Variants in ERBB4 observed in about 807,000 individuals in gnomAD.
ERBB4 encodes receptor tyrosine-protein kinase erbB-4.
In ERBB4, 42 loss-of-function variants were observed where a neutral mutation model predicts 158.0. The observed-to-expected ratio is 0.27, with a 90% CI of 0.21 to 0.34. The LOEUF (loss-of-function observed/expected upper bound fraction) is 0.34, where lower values mean the gene tolerates loss of function less well. Among genes scored for constraint, ERBB4 ranks in the 10% least tolerant of loss-of-function variants. The pLI is 1.00. For synonymous variants in ERBB4, 583 were observed against 558.7 expected (o/e 1.04, Z -0.61); for missense variants, 1,333 against 1,624.1 (o/e 0.82, Z 3.08).
chr2:212,159,745 C>A (rs1239624779), intron 1 of ERBB4, among the ~76,000 whole-genome samples: 1 of 151,940 alleles, frequency 6.6e-6, no homozygotes, highest in Non-Finnish European at 1.5e-5. Context: ...AAATTAAAAT[C>A]ATTTTACTAG....
At chr2:212,239,871 T>C (rs982436072) in intron 1 of ERBB4, among the ~76,000 whole-genome samples, 1 of 152,154 alleles carries the variant, frequency 6.6e-6, no homozygotes, top group Non-Finnish European at 1.5e-5. Flanking sequence ...ATAACAAGCT[T>C]TTTAGAGGGG....
At chr2:212,355,280 G>C (rs1447586596) in intron 1 of ERBB4, among the ~76,000 whole-genome samples, 2 of 151,914 alleles carry the variant, frequency 1.3e-5, no homozygotes, top group East Asian at 3.9e-4. Context: ...TTATTATCTA[G>C]ACCCTAGGGT....
Position 211,766,395 on chromosome 2 carries a change from T to C in ERBB4, c.557-15691A>G, listed in dbSNP as rs926761167. Among the ~76,000 whole-genome samples the C allele has an allele frequency of 9.9e-5, 15 of 152,124 alleles. No individual in the cohort carries two copies. The East Asian group carries it at 1.4e-3, about 14-fold the overall frequency. ...TCTCCCCTTCCTCCTCTCTAAACTT[T>C]GAAATAAAAGTCCTGAATGAGGGAA... On this transcript the variant is annotated intron_variant, in intron 4 of 27. Transcript: ENST00000342788.
intron 20 of ERBB4, among the ~76,000 whole-genome samples, chr2:211,471,393 C>T (rs2064823578): frequency 6.6e-6 from 1 of 152,038 alleles, no homozygotes; most frequent in South Asian, 2.1e-4. Flanking sequence ...TTCTCATCAA[C>T]AGGAAACTAA....
intron 3 of ERBB4, among the ~76,000 whole-genome samples, chr2:211,864,146 C>A (rs898513670): frequency 1.3e-5 from 2 of 152,194 alleles, no homozygotes; most frequent in African/African-American, 4.8e-5. Flanking sequence ...AGTAGCTTTG[C>A]CATTTCTTGA....
intron 1 of ERBB4, among the ~76,000 whole-genome samples, chr2:212,288,838 C>T (rs1392622012): frequency 6.6e-6 from 1 of 152,000 alleles, no homozygotes; most frequent in Non-Finnish European, 1.5e-5. Flanking sequence ...CCAAGACTAC[C>T]TGTTTATTTC....
chr2:212,240,383 A>G (rs1293331353), intron 1 of ERBB4, among the ~76,000 whole-genome samples: 2 of 152,048 alleles, frequency 1.3e-5, no homozygotes, highest in African/African-American at 4.8e-5. Flanking sequence ...GCTATGGTTC[A>G]CGTCTGTAAT....
chr2:211,628,732 G>A (rs1249088572), intron 17 of ERBB4, among the ~76,000 whole-genome samples: 1 of 152,192 alleles, frequency 6.6e-6, no homozygotes, highest in East Asian at 1.9e-4. Flanking sequence ...CCAGATCGCT[G>A]AGGAATCACC....
At chr2:211,714,616 T>C (rs181844984) in intron 7 of ERBB4, among the ~76,000 whole-genome samples, 6 of 152,324 alleles carry the variant, frequency 3.9e-5, no homozygotes, top group African/African-American at 1.4e-4. Context: ...TTCTAGGTTT[T>C]TAGAGCTAAG....
intron 1 of ERBB4, among the ~76,000 whole-genome samples, chr2:212,136,733 AGTT>A (rs997410135): frequency 6.6e-6 from 1 of 152,158 alleles, no homozygotes; most frequent in African/African-American, 2.4e-5. Flanking sequence ...TTCAGGGTAA[AGTT>A]GTGTCTAATT....
chr2:211,719,841 C>A (rs916358670), intron 7 of ERBB4, among the ~76,000 whole-genome samples: 7 of 137,250 alleles, frequency 5.1e-5, no homozygotes, highest in African/African-American at 1.9e-4. Flanking sequence ...GGTGACAGAG[C>A]GAGATTCTGT....
chr2:211,791,647 G>GA (rs1053920315), intron 3 of ERBB4, among the ~76,000 whole-genome samples: 2 of 151,796 alleles, frequency 1.3e-5, no homozygotes, highest in Admixed American at 6.6e-5. Context: ...TCAATTGATA[G>GA]AAAAAAGCTG....
intron 1 of ERBB4, among the ~76,000 whole-genome samples, chr2:212,523,421 G>T (rs1206936769): frequency 2.0e-5 from 3 of 151,902 alleles, no homozygotes; most frequent in Non-Finnish European, 4.4e-5. Flanking sequence ...GCAAAGTAAA[G>T]TGTATATATT....
chr2:211,478,485 C>T (rs951851298), intron 20 of ERBB4, among the ~76,000 whole-genome samples: 2 of 152,160 alleles, frequency 1.3e-5, no homozygotes, highest in African/African-American at 4.8e-5. Flanking sequence ...ATCCCTGTCT[C>T]TCTTCATTGT....
chr2:211,417,131 A>G (rs767474051), intron 25 of ERBB4, among the ~76,000 whole-genome samples: 3 of 152,070 alleles, frequency 2.0e-5, no homozygotes, highest in Non-Finnish European at 4.4e-5. Context: ...ATTTTCTCCT[A>G]TTTTTACATC....
intron 9 of ERBB4, among the ~76,000 whole-genome samples, chr2:211,709,254 C>CACAA (rs1402744514): frequency 9.8e-6 from 1 of 101,554 alleles, no homozygotes; most frequent in Non-Finnish European, 2.1e-5. Flanking sequence ...TATATATACA[C>CACAA]ATATATATAT....
intron 20 of ERBB4, among the ~76,000 whole-genome samples, chr2:211,547,620 G>T (rs1433296371): frequency 1.3e-5 from 2 of 152,038 alleles, no homozygotes; most frequent in African/African-American, 2.4e-5. Flanking sequence ...TTTTGCATTT[G>T]AGAAAATCAC....
chr2:212,410,266 G>GAA (rs1553635068), intron 1 of ERBB4, among the ~76,000 whole-genome samples: 4 of 151,086 alleles, frequency 2.6e-5, no homozygotes, highest in Admixed American at 2.6e-4. Flanking sequence ...GTTAGTGTGA[G>GAA]TTAGAGAGTA....
intron 4 of ERBB4, among the ~76,000 whole-genome samples, chr2:211,759,016 A>G (rs1034651693): frequency 2.6e-5 from 4 of 151,830 alleles, no homozygotes; most frequent in Non-Finnish European, 5.9e-5. Flanking sequence ...CTAAATCCAT[A>G]CTCTTCCCAC....
Sources: allele counts gnomAD v4.1 joint callset (sites outside exome capture counted in the v4.1 genomes callset), GRCh38; gene constraint gnomAD v4.1.1; transcripts MANE v1.5; gene names NCBI Gene and HGNC (gene_info 2026-07-23, HGNC 2026-07-21).